Variants in CCDC57 observed in about 807,000 individuals in gnomAD.
CCDC57 encodes the protein coiled-coil domain-containing protein 57.
A neutral mutation model predicts 118.9 loss-of-function variants in CCDC57; 118 were observed. That is an observed-to-expected ratio of 0.99 (90% CI 0.86 to 1.16). The LOEUF (loss-of-function observed/expected upper bound fraction) is 1.16, where lower values mean the gene tolerates loss of function less well. CCDC57 is among the 50% of genes most tolerant of loss of function. CCDC57 has a pLI of 0.00. For synonymous variants in CCDC57, 527 were observed against 532.9 expected, an observed-to-expected ratio of 0.99 and a Z score of 0.15; for missense variants, 1,300 against 1,320.7, an observed-to-expected ratio of 0.98 and a Z score of 0.24.
In CCDC57 at chr17:82,172,856, A is replaced by G; in HGVS notation, c.1511T>C (p.Leu504Pro). ...TATTTCTTCTTCATGCTGCCTGAGA[A>G]GCATCTGTCAAATACAAGGAAAAAT... The change falls in exon 12 of 20, where the codon CTT (leucine) becomes CCT (proline). Residue 504 changes from leucine to proline, a missense_variant. By Grantham distance (98) the Leu-to-Pro change is moderately conservative. Transcript: ENST00000665763. The surrounding 1 kb of genome is among the most constrained non-coding windows in gnomAD (Gnocchi z 5.2). 6.2e-7 allele frequency: 1 copy of G among 1,610,054 alleles called. No individual in the cohort carries two copies. The highest frequency in any genetic ancestry group is 8.5e-7 in the Non-Finnish European group (1 of 1,178,276).
exon 10 of CCDC57, chr17:82,179,173 A>G (rs780005446): frequency 1.2e-6 from 2 of 1,613,738 alleles, no homozygotes; most frequent in East Asian, 4.5e-5. Flanking sequence ...ACTGCCAGGG[A>G]CAGCTGTTGC....
intron 2 of CCDC57, 27 bp from the exon 2 acceptor site, chr17:82,201,979 G>A: frequency 6.5e-7 from 1 of 1,536,996 alleles, no homozygotes; most frequent in Non-Finnish European, 8.7e-7. Flanking sequence ...TCAGGTTCAG[G>A]GTGCACCGTG....
intron 13 of CCDC57, among the ~76,000 whole-genome samples, chr17:82,165,812 G>A (rs948910019): frequency 1.3e-5 from 2 of 152,156 alleles, no homozygotes; most frequent in African/African-American, 4.8e-5. Context: ...CTCATGTATG[G>A]GCAGAGGAAA....
chr17:82,158,909 G>C (rs146686661), intron 14 of CCDC57, among the ~76,000 whole-genome samples: 1 of 151,804 alleles, frequency 6.6e-6, no homozygotes, highest in African/African-American at 2.4e-5. Flanking sequence ...CTGGGGCAGA[G>C]TGGCGCGATC....
intron 19 of CCDC57, among the ~76,000 whole-genome samples, chr17:82,103,480 C>T (rs900212827): frequency 6.6e-6 from 1 of 152,258 alleles, no homozygotes; most frequent in African/African-American, 2.4e-5. Context: ...ACTCCCTCCC[C>T]CCACCCCCCA....
At chr17:82,163,958 C>T (rs560799619) in intron 13 of CCDC57, among the ~76,000 whole-genome samples, 16 of 151,918 alleles carry the variant, frequency 1.1e-4, no homozygotes, top group African/African-American at 3.4e-4. Flanking sequence ...GAGGATCCCT[C>T]GATCCCAGGA....
At chr17:82,201,734 G>C in exon 3 of CCDC57, 1 of 1,613,960 alleles carries the variant, frequency 6.2e-7, no homozygotes, top group Non-Finnish European at 8.5e-7. Flanking sequence ...TAGCGCTCCA[G>C]CTCGAGGTCC....
chr17:82,144,031 G>A (rs1487521172), intron 16 of CCDC57, among the ~76,000 whole-genome samples: 1 of 150,294 alleles, frequency 6.7e-6, no homozygotes, highest in Non-Finnish European at 1.5e-5. Context: ...TCCAGCCTGG[G>A]CAACAGACAG....
chr17:82,198,728 C>T (rs1018766696), intron 3 of CCDC57, among the ~76,000 whole-genome samples: 1 of 151,844 alleles, frequency 6.6e-6, no homozygotes, highest in Non-Finnish European at 1.5e-5. Flanking sequence ...CAGTGGCTCA[C>T]GCCTGTAATC....
chr17:82,111,273 T>C, intron 19 of CCDC57, among the ~76,000 whole-genome samples: 1 of 148,078 alleles, frequency 6.8e-6, no homozygotes, highest in East Asian at 2.1e-4. Context: ...ATTTTTTTTG[T>C]ATTTTTTTTA....
chr17:82,189,209 A>G (rs1160438683), intron 7 of CCDC57, among the ~76,000 whole-genome samples: 2 of 152,170 alleles, frequency 1.3e-5, no homozygotes, highest in African/African-American at 4.8e-5. Flanking sequence ...TCGAGGCTGC[A>G]GTGAGCCGTG....
At chr17:82,145,018 T>A (rs1172380593) in intron 16 of CCDC57, among the ~76,000 whole-genome samples, 1 of 102,564 alleles carries the variant, frequency 9.8e-6, no homozygotes, top group African/African-American at 3.0e-5. Context: ...TCTTTTCTTT[T>A]TTTTTTTCTT....
At chr17:82,119,875 A>C (rs2036437134) in intron 19 of CCDC57, among the ~76,000 whole-genome samples, 1 of 152,124 alleles carries the variant, frequency 6.6e-6, no homozygotes. Context: ...TCCTCCAAAG[A>C]GCCGCATCCA....
At chr17:82,181,049 C>T (rs772442418) in intron 9 of CCDC57, among the ~76,000 whole-genome samples, 2 of 152,210 alleles carry the variant, frequency 1.3e-5, no homozygotes, top group South Asian at 2.1e-4. Flanking sequence ...ACGCAGAGCA[C>T]GGTGGTCTTG....
exon 3 of CCDC57, chr17:82,201,826 C>T (rs752264520): frequency 2.4e-5 from 38 of 1,613,402 alleles, no homozygotes; most frequent in Middle Eastern, 1.6e-4. Flanking sequence ...CAGCTGGCTC[C>T]GTGTGTCCTG....
chr17:82,157,809 C>T, exon 15 of CCDC57: 1 of 1,605,128 alleles, frequency 6.2e-7, no homozygotes, highest in Non-Finnish European at 8.5e-7. Flanking sequence ...AGGCTCCGCT[C>T]CCCCGTGCTG....
At chr17:82,188,350 C>T (rs762403125) in exon 8 of CCDC57, 1 of 1,610,740 alleles carries the variant, frequency 6.2e-7, no homozygotes, top group Non-Finnish European at 8.5e-7. Flanking sequence ...GCAGCTGCTC[C>T]ACGTGGGCTC....
intron 16 of CCDC57, 176 bp from the exon 16 acceptor site, chr17:82,134,370 CG>C: frequency 2.0e-6 from 1 of 490,356 alleles, no homozygotes; most frequent in East Asian, 3.5e-5. Flanking sequence ...CACAGCATTT[CG>C]GTAGAGCTCT....
chr17:82,198,473 G>T, intron 3 of CCDC57, 51 bp from the exon 3 acceptor site: 1 of 1,264,258 alleles, frequency 7.9e-7, no homozygotes, highest in Non-Finnish European at 1.1e-6. Context: ...ATTCAGCAAA[G>T]GTAATACATT....
Sources: gnomAD v4.1 joint callset for allele counts (sites outside exome capture counted in the v4.1 genomes callset) on GRCh38, gnomAD v4.1.1 for gene constraint, Gnocchi (gnomAD v3.1) non-coding constraint, MANE v1.5 for transcripts, NCBI Gene and HGNC (gene_info 2026-07-23, HGNC 2026-07-21) for gene names.